CUX1: variants seen among roughly 807,000 people sequenced by gnomAD.
The protein encoded by CUX1 is protein CASP.
Under a neutral mutation model 158.8 loss-of-function variants are expected in CUX1, and 31 were observed. The ratio of observed to expected loss-of-function variants is 0.20; its 90% CI spans 0.15 to 0.26. The LOEUF (loss-of-function observed/expected upper bound fraction) is 0.26. Ranked by LOEUF, CUX1 falls within the 10% of genes least tolerant of loss-of-function variation. CUX1 has a pLI of 1.00. For missense variants in CUX1, 1,589 were observed against 2,014.6 expected, an observed-to-expected ratio of 0.79 and a Z score of 4.04; for synonymous variants, 879 against 862.1, an observed-to-expected ratio of 1.02 and a Z score of -0.34.
At chr7:101,981,071 A>G (rs1031878066) in intron 2 of CUX1, among the ~76,000 whole-genome samples, 17 of 152,216 alleles carry the variant, frequency 1.1e-4, no homozygotes, top group Admixed American at 4.6e-4. Context: ...TGTGGACATC[A>G]GGCTTGCCTA....
intron 1 of CUX1, among the ~76,000 whole-genome samples, chr7:101,890,389 G>A (rs1189683551): frequency 6.6e-6 from 1 of 152,002 alleles, no homozygotes; most frequent in Non-Finnish European, 1.5e-5. Flanking sequence ...TGAGAGACTC[G>A]GGGTTCAGAG....
intron 12 of CUX1, among the ~76,000 whole-genome samples, chr7:102,193,060 T>G (rs2131935401): frequency 6.6e-6 from 1 of 152,318 alleles, no homozygotes; most frequent in African/African-American, 2.4e-5. Context: ...TTCCCCAACC[T>G]GGGGCTGCAG....
At chr7:102,266,464 T>C (rs1402360380) in intron 14 of CUX1, among the ~76,000 whole-genome samples, 3 of 151,430 alleles carry the variant, frequency 2.0e-5, no homozygotes, top group Non-Finnish European at 4.4e-5. Flanking sequence ...CCTGTGAAGG[T>C]TGAAATGCCA....
chr7:102,117,581 A>G (rs2131150276), intron 8 of CUX1, among the ~76,000 whole-genome samples: 1 of 151,984 alleles, frequency 6.6e-6, no homozygotes. Context: ...GGGAAGAGGG[A>G]CCCAGGGCAG....
intron 1 of CUX1, among the ~76,000 whole-genome samples, chr7:101,835,590 G>A (rs1323735182): frequency 6.6e-6 from 1 of 151,936 alleles, no homozygotes; most frequent in Admixed American, 6.6e-5. Context: ...TTATTTTTGT[G>A]GGTGCGTATA....
intron 1 of CUX1, among the ~76,000 whole-genome samples, chr7:101,899,160 T>C (rs1232164028): frequency 1.3e-5 from 2 of 152,166 alleles, no homozygotes; most frequent in Non-Finnish European, 2.9e-5. Flanking sequence ...AAGATGGTGA[T>C]GGGGTGGAGT....
intron 20 of CUX1, among the ~76,000 whole-genome samples, chr7:102,210,919 A>T (rs1159210183): frequency 6.6e-6 from 1 of 152,180 alleles, no homozygotes; most frequent in African/African-American, 2.4e-5. Flanking sequence ...TTGAATGTGC[A>T]TGCGTATCAT....
At chr7:101,842,139 T>C (rs1584728447) in intron 1 of CUX1, among the ~76,000 whole-genome samples, 1 of 152,322 alleles carries the variant, frequency 6.6e-6, no homozygotes, top group East Asian at 1.9e-4. Context: ...TTATCACATA[T>C]GGTCAGAGAA....
At chr7:101,919,710 G>T (rs192057112) in intron 2 of CUX1, among the ~76,000 whole-genome samples, 4 of 152,220 alleles carry the variant, frequency 2.6e-5, no homozygotes, top group African/African-American at 4.8e-5. Context: ...TTAGGCACCC[G>T]CGAGGGTTCA....
chr7:101,977,389 C>G (rs1233145584), intron 2 of CUX1, among the ~76,000 whole-genome samples: 107 of 152,132 alleles, frequency 7.0e-4, no homozygotes, highest in Non-Finnish European at 2.8e-4. Flanking sequence ...TGGTTTGGTC[C>G]AAGCTGAAGC....
At chr7:101,897,134 C>G (rs1584915683) in intron 1 of CUX1, among the ~76,000 whole-genome samples, 1 of 152,254 alleles carries the variant, frequency 6.6e-6, no homozygotes. Context: ...ATCTGCGAAG[C>G]AGGAAGTGTG....
chr7:101,852,693 T>G (rs957143172), intron 1 of CUX1, among the ~76,000 whole-genome samples: 1 of 104,536 alleles, frequency 9.6e-6, no homozygotes, highest in African/African-American at 3.5e-5. Context: ...TTTTTTTTTT[T>G]GAGATGAGGT....
intron 2 of CUX1, among the ~76,000 whole-genome samples, chr7:101,981,285 T>G (rs1034284731): frequency 6.6e-6 from 1 of 152,228 alleles, no homozygotes; most frequent in Admixed American, 6.5e-5. Context: ...TGTGTTTGTT[T>G]CTTACTTGTC....
intron 2 of CUX1, among the ~76,000 whole-genome samples, chr7:101,988,081 G>T (rs1051355642): frequency 1.3e-5 from 2 of 152,058 alleles, no homozygotes; most frequent in African/African-American, 4.8e-5. Context: ...GCGTGGTGGC[G>T]CATGCCTGTA....
At chr7:101,908,523 G>A (rs1397839888) in intron 1 of CUX1, among the ~76,000 whole-genome samples, 1 of 151,966 alleles carries the variant, frequency 6.6e-6, no homozygotes, top group African/African-American at 2.4e-5. Flanking sequence ...TGGCCAGGCT[G>A]GTTTTGAACT....
At chr7:101,819,927 G>T (rs1367506638) in intron 1 of CUX1, among the ~76,000 whole-genome samples, 1 of 152,104 alleles carries the variant, frequency 6.6e-6, no homozygotes, top group Non-Finnish European at 1.5e-5. Context: ...ATACCTTCAG[G>T]AATGATTCTC....
chr7:102,234,864 G>A (rs897496865), intron 22 of CUX1, among the ~76,000 whole-genome samples: 3 of 151,862 alleles, frequency 2.0e-5, no homozygotes, highest in Non-Finnish European at 2.9e-5. Context: ...CCCTGCAGGC[G>A]GTGAACAGAG....
intron 4 of CUX1, among the ~76,000 whole-genome samples, chr7:102,077,144 G>A (rs1040156723): frequency 8.6e-5 from 13 of 151,970 alleles, no homozygotes; most frequent in Non-Finnish European, 1.5e-5. Context: ...TATAGAATAA[G>A]GTGAATCAAG....
intron 20 of CUX1, among the ~76,000 whole-genome samples, chr7:102,213,571 A>C (rs1346715756): frequency 6.6e-6 from 1 of 152,196 alleles, no homozygotes; most frequent in Non-Finnish European, 1.5e-5. Context: ...TCCAGCTTGT[A>C]GACACATCCC....
Sources: gnomAD v4.1 joint callset for allele counts (sites outside exome capture counted in the v4.1 genomes callset) on GRCh38, gnomAD v4.1.1 for gene constraint, MANE v1.5 for transcripts, NCBI Gene and HGNC (gene_info 2026-07-23, HGNC 2026-07-21) for gene names.